MORN5: variants seen among roughly 807,000 people sequenced by gnomAD.
MORN5 encodes MORN repeat containing 5, also known as MORN repeat-containing protein 5.
Under a neutral mutation model 22.1 loss-of-function variants are expected in MORN5, and 21 were observed. The observed-to-expected ratio is 0.95, with a 90% CI of 0.67 to 1.37. MORN5 has a LOEUF of 1.37. MORN5 is among the 40% of genes most tolerant of loss of function. The pLI is 0.00. For synonymous variants in MORN5, 73 were observed against 74.0 expected (o/e 0.99, Z 0.07); for missense variants, 211 against 215.1 (o/e 0.98, Z 0.12).
At chr9:122,198,591 G>T (rs532722087) in intron 4 of MORN5, among the ~76,000 whole-genome samples, 1 of 152,254 alleles carries the variant, frequency 6.6e-6, no homozygotes, top group South Asian at 2.1e-4. Flanking sequence ...TGGGCAGCTG[G>T]AAGGACGGTG....
intron 4 of MORN5, among the ~76,000 whole-genome samples, chr9:122,183,783 T>C (rs771219179): frequency 1.3e-5 from 2 of 152,236 alleles, no homozygotes; most frequent in African/African-American, 2.4e-5. Flanking sequence ...CACCGCTTAA[T>C]CGTGCTGCTC....
intron 2 of MORN5, among the ~76,000 whole-genome samples, chr9:122,168,907 A>T (rs1829326428): frequency 6.6e-6 from 1 of 152,132 alleles, no homozygotes; most frequent in South Asian, 2.1e-4. Context: ...TGCAACCTGG[A>T]GGCCCAGGAA....
At chr9:122,192,151 G>A (rs1223781287) in intron 4 of MORN5, among the ~76,000 whole-genome samples, 7 of 152,164 alleles carry the variant, frequency 4.6e-5, no homozygotes, top group South Asian at 2.1e-4. Context: ...GCTCAGCATC[G>A]GATCCAGGCT....
intron 3 of MORN5, among the ~76,000 whole-genome samples, chr9:122,172,025 G>T (rs1829373475): frequency 7.2e-6 from 1 of 139,456 alleles, no homozygotes. Flanking sequence ...TATGATCATA[G>T]CTCACTGTAA....
At chr9:122,189,676 G>A (rs543917278) in intron 4 of MORN5, among the ~76,000 whole-genome samples, 5 of 151,974 alleles carry the variant, frequency 3.3e-5, no homozygotes, top group Admixed American at 2.0e-4. Context: ...GCATGATCTC[G>A]GCTCACTGCA....
At chr9:122,184,507 T>G (rs78324302) in intron 4 of MORN5, among the ~76,000 whole-genome samples, 3 of 152,358 alleles carry the variant, frequency 2.0e-5, no homozygotes, top group Admixed American at 6.5e-5. Context: ...TATAGTTTAT[T>G]CTTACTACAG....
At chr9:122,194,101 G>A (rs1829835990) in intron 4 of MORN5, among the ~76,000 whole-genome samples, 1 of 152,188 alleles carries the variant, frequency 6.6e-6, no homozygotes, top group Non-Finnish European at 1.5e-5. Flanking sequence ...CACTTCCAAA[G>A]CTTCAGAACC....
chr9:122,181,450 A>G (rs1363943879), intron 4 of MORN5, among the ~76,000 whole-genome samples: 1 of 152,152 alleles, frequency 6.6e-6, no homozygotes, highest in African/African-American at 2.4e-5. Context: ...CTCCCATCTT[A>G]CCACAGCCCA....
chr9:122,181,919 T>A (rs1300596274), intron 4 of MORN5, among the ~76,000 whole-genome samples: 1 of 152,196 alleles, frequency 6.6e-6, no homozygotes, highest in Non-Finnish European at 1.5e-5. Flanking sequence ...TGATGATTAT[T>A]GACTCAGGCT....
chr9:122,170,049 G>A (rs540203000), intron 3 of MORN5, among the ~76,000 whole-genome samples: 1 of 152,304 alleles, frequency 6.6e-6, no homozygotes, highest in East Asian at 1.9e-4. Flanking sequence ...TGTAATCCCA[G>A]CACTTTGGGA....
intron 4 of MORN5, among the ~76,000 whole-genome samples, chr9:122,181,707 C>A (rs1829540376): frequency 6.6e-6 from 1 of 152,146 alleles, no homozygotes; most frequent in South Asian, 2.1e-4. Flanking sequence ...AGTCCTAGAT[C>A]TACCACTGAC....
intron 3 of MORN5, among the ~76,000 whole-genome samples, chr9:122,172,241 G>A (rs1049387483): frequency 7.9e-5 from 12 of 151,356 alleles, no homozygotes; most frequent in African/African-American, 2.7e-4. Context: ...GATTACAGGC[G>A]TGAGCCACCA....
At chr9:122,196,395 G>A (rs145789115) in intron 4 of MORN5, among the ~76,000 whole-genome samples, 14 of 149,676 alleles carry the variant, frequency 9.4e-5, no homozygotes, top group Non-Finnish European at 1.5e-4. Context: ...GGGCAGTGGC[G>A]CAATCTCGGC....
At chr9:122,169,548 A>T (rs1829336700) in intron 2 of MORN5, 97 bp from the exon 3 acceptor site, 3 of 764,610 alleles carry the variant, frequency 3.9e-6, no homozygotes, top group Non-Finnish European at 7.0e-6. Context: ...TCTTTACTGC[A>T]GCCATCAGAA....
In MORN5 at chr9:122,166,796, C is replaced by T. The variant is rs147017103; in HGVS notation, c.76C>T (p.Pro26Ser). 7.4e-6 allele frequency: 12 copies of T among 1,613,692 alleles called. No homozygotes were observed. In the Admixed American group the frequency reaches 8.3e-5, roughly 11 times the overall value. Residue 26 changes from proline (P) to serine (S), a missense_variant, in exon 2 of 5, where the codon CCT becomes TCT. Transcript: ENST00000373764. ...GGAGGGCAAAGCCAAGTACATCCTCCCTACCGAAACAATATATGTTGGGGA... is the reference window on the plus strand; with the variant it reads ...GGAGGGCAAAGCCAAGTACATCCTCTCTACCGAAACAATATATGTTGGGGA... Reference protein sequence around the residue: ...RMEGKAKYILPTETIYVGEMK... With the variant: ...RMEGKAKYILSTETIYVGEMK...
At chr9:122,178,906 A>G (rs1429517713) in intron 4 of MORN5, among the ~76,000 whole-genome samples, 2 of 152,206 alleles carry the variant, frequency 1.3e-5, no homozygotes, top group African/African-American at 2.4e-5. Context: ...GGATGGCAGC[A>G]TTATCTTCTA....
intron 1 of MORN5, among the ~76,000 whole-genome samples, chr9:122,162,074 G>T (rs889870327): frequency 1.3e-5 from 2 of 152,196 alleles, no homozygotes; most frequent in Non-Finnish European, 2.9e-5. Flanking sequence ...TCAAATTTCA[G>T]CATGTAATGA....
intron 3 of MORN5, among the ~76,000 whole-genome samples, chr9:122,172,116 C>T (rs1829374865): frequency 6.6e-6 from 1 of 151,338 alleles, no homozygotes; most frequent in Admixed American, 6.6e-5. Flanking sequence ...AATGCGCCAC[C>T]ACTCCTGGTT....
intron 4 of MORN5, among the ~76,000 whole-genome samples, chr9:122,182,221 C>T (rs968468395): frequency 2.0e-5 from 3 of 152,244 alleles, no homozygotes; most frequent in African/African-American, 7.2e-5. Context: ...ACCAGCACTT[C>T]CTACTGCCTA....
Sources: gnomAD v4.1 joint callset for allele counts (sites outside exome capture counted in the v4.1 genomes callset) on GRCh38, gnomAD v4.1.1 for gene constraint, MANE v1.5 for transcripts, NCBI Gene and HGNC (gene_info 2026-07-23, HGNC 2026-07-21) for gene names.